CDC42SE2: variants seen among roughly 807,000 people sequenced by gnomAD.
CDC42SE2 encodes CDC42 small effector 2.
A neutral mutation model predicts 11.5 loss-of-function variants in CDC42SE2; 3 were observed. The observed-to-expected ratio is 0.26, with a 90% CI of 0.12 to 0.67. The LOEUF is 0.67. Ranked by LOEUF, CDC42SE2 falls within the 30% of genes least tolerant of loss-of-function variation. CDC42SE2 has a pLI of 0.80. For missense variants in CDC42SE2, 82 were observed against 106.8 expected, an observed-to-expected ratio of 0.77 and a Z score of 1.02; for synonymous variants, 33 against 34.8, an observed-to-expected ratio of 0.95 and a Z score of 0.18.
At chr5:131,225,671 C>T in the CDC42SE2 span, among the ~76,000 whole-genome samples, 1 of 152,148 alleles carries the variant, frequency 6.6e-6, no homozygotes, top group African/African-American at 2.4e-5. Flanking sequence ...GTCAGTCTCC[C>T]CTTGCATGAA....
In CDC42SE2 at chr5:131,267,656, A is replaced by G. The variant is rs145061053; in HGVS notation, c.-455+3490A>G. 4.1e-3 allele frequency among the ~76,000 whole-genome samples: 631 copies of G among 152,234 alleles called. 4 individuals are homozygous for G. The highest frequency in any genetic ancestry group is 0.013 in the African/African-American group (546 of 41,526). On this transcript the variant is annotated intron_variant, in intron 1 of 4. Coordinates refer to ENST00000505065, the MANE Select transcript of CDC42SE2 (RefSeq NM_001375635.1). ...CATGGCATATTGCAGCTGTGCTCAT[A>G]TTTGCCTGTGTAGATCATGAGAGTT...
chr5:131,332,356 C>G (rs552795560), intron 2 of CDC42SE2, among the ~76,000 whole-genome samples: 1 of 152,324 alleles, frequency 6.6e-6, no homozygotes, highest in South Asian at 2.1e-4. Context: ...TTTTCTTAAT[C>G]CAGTCTATCA....
chr5:131,269,561 G>T (rs1400154385), intron 1 of CDC42SE2, among the ~76,000 whole-genome samples: 3 of 151,980 alleles, frequency 2.0e-5, no homozygotes, highest in Non-Finnish European at 4.4e-5. Flanking sequence ...CTAAGGTCAG[G>T]AGTTCGAGAC....
At chr5:131,329,335 C>A (rs926235829) in intron 2 of CDC42SE2, among the ~76,000 whole-genome samples, 1 of 152,028 alleles carries the variant, frequency 6.6e-6, no homozygotes, top group Non-Finnish European at 1.5e-5. Context: ...AGTTTTTGTT[C>A]CCTTTTGTTG....
At chr5:131,368,262 A>C (rs1749919402) in intron 3 of CDC42SE2, among the ~76,000 whole-genome samples, 1 of 151,756 alleles carries the variant, frequency 6.6e-6, no homozygotes, top group African/African-American at 2.4e-5. Flanking sequence ...CAAAAAAAAA[A>C]AAAAAAAAAA....
rs1292945627 is a variant in CDC42SE2, at chr5:131,311,544, A to G, written c.-454-4432A>G. Among the ~76,000 whole-genome samples the G allele has an allele frequency of 2.0e-5, 3 of 152,032 alleles. No homozygotes were observed. The East Asian group carries it at 5.8e-4, about 29-fold the overall frequency. On this transcript the variant is annotated intron_variant, in intron 1 of 4. Transcript: ENST00000505065. ...ATAATATCCTGCAGAGTGTTTTCCA[A>G]CTTGGTTCCATTCTCCCCATCACTT...
intron 1 of CDC42SE2, among the ~76,000 whole-genome samples, chr5:131,251,596 A>G (rs1179629161): frequency 6.6e-6 from 1 of 152,244 alleles, no homozygotes; most frequent in African/African-American, 2.4e-5. Context: ...ATTGTCTGGA[A>G]AACAGTACAT....
intron 2 of CDC42SE2, among the ~76,000 whole-genome samples, chr5:131,324,191 A>C (rs1423042504): frequency 6.6e-6 from 1 of 152,200 alleles, no homozygotes; most frequent in African/African-American, 2.4e-5. Flanking sequence ...CACTGTATGA[A>C]TATCCAGCTG....
chr5:131,328,010 G>A (rs1186906278), intron 2 of CDC42SE2, among the ~76,000 whole-genome samples: 1 of 152,188 alleles, frequency 6.6e-6, no homozygotes, highest in Non-Finnish European at 1.5e-5. Flanking sequence ...TGCTGTGGCA[G>A]AAGGCAGAAG....
Position 131,340,999 on chromosome 5 carries a change from G to C in CDC42SE2, c.-285-18210G>C, listed in dbSNP as rs150810534. On this transcript the variant is annotated intron_variant, in intron 2 of 4. Coordinates refer to ENST00000505065, the MANE Select transcript of CDC42SE2 (RefSeq NM_001375635.1). ...GCCTGAGTATGTACTTTCTGAAGAA[G>C]GAAGTTGAACTTCAAAGGAAGGATT... is the stretch of plus-strand genomic sequence containing the variant. Among the ~76,000 whole-genome samples, 141 of 152,222 alleles carry C rather than the reference G, an allele frequency of 9.3e-4. 1 individual carries two copies. The highest frequency in any genetic ancestry group is 3.3e-3 in the African/African-American group (139 of 41,554).
At chr5:131,382,259 T>C (rs150965202) in intron 3 of CDC42SE2, among the ~76,000 whole-genome samples, 14 of 152,370 alleles carry the variant, frequency 9.2e-5, no homozygotes, top group African/African-American at 2.6e-4. Flanking sequence ...TTGAATATTC[T>C]CAGTAATCAT....
chr5:131,365,034 A>C (rs1163703563), intron 3 of CDC42SE2, among the ~76,000 whole-genome samples: 1 of 152,234 alleles, frequency 6.6e-6, no homozygotes, highest in Non-Finnish European at 1.5e-5. Context: ...TTATGCCTGT[A>C]ATCCCAGCAC....
intron 3 of CDC42SE2, among the ~76,000 whole-genome samples, chr5:131,374,232 A>G (rs1750086833): frequency 6.6e-6 from 1 of 152,222 alleles, no homozygotes; most frequent in Non-Finnish European, 1.5e-5. Flanking sequence ...AATCGGTTAT[A>G]CCACGAGATA....
At chr5:131,215,830 A>G in the CDC42SE2 span, among the ~76,000 whole-genome samples, 1 of 152,212 alleles carries the variant, frequency 6.6e-6, no homozygotes, top group Non-Finnish European at 1.5e-5. Flanking sequence ...AGAATTAACT[A>G]CTTAAGTAAT....
intron 2 of CDC42SE2, among the ~76,000 whole-genome samples, chr5:131,348,400 A>T (rs2149760045): frequency 6.6e-6 from 1 of 152,316 alleles, no homozygotes; most frequent in South Asian, 2.1e-4. Flanking sequence ...ACTTGGTACA[A>T]AGAGAATAAA....
chr5:131,255,927 G>A (rs1756676035), intron 2 of CDC42SE2, among the ~76,000 whole-genome samples: 2 of 152,164 alleles, frequency 1.3e-5, no homozygotes, highest in African/African-American at 4.8e-5. Flanking sequence ...TATATTTTAT[G>A]ATGAGTAGAC....
At chr5:131,251,584 A>C (rs1175759570) in intron 1 of CDC42SE2, among the ~76,000 whole-genome samples, 1 of 152,240 alleles carries the variant, frequency 6.6e-6, no homozygotes, top group Non-Finnish European at 1.5e-5. Context: ...AAAAGAAAAA[A>C]AATTGTCTGG....
rs181956179 is a variant in CDC42SE2 at position 131,327,864 on chromosome 5, C to T, written c.-286+11720C>T. 4.1e-3 allele frequency among the ~76,000 whole-genome samples: 630 copies of T among 152,198 alleles called. 2 individuals carry two copies. Among genetic ancestry groups the T allele is most frequent in the South Asian group, 5.0e-3 (24 of 4,820 alleles). On this transcript the variant is annotated intron_variant, in intron 2 of 4. Coordinates refer to ENST00000505065, the MANE Select transcript of CDC42SE2 (RefSeq NM_001375635.1). The stretch of plus-strand genomic sequence containing the variant: ...AAACACCATATTATCTTTATATACT[C>T]TGAAAAATCATTGTTTTGGTCTGTT...
At chr5:131,314,843 A>G (rs1304250697) in intron 1 of CDC42SE2, among the ~76,000 whole-genome samples, 1 of 152,220 alleles carries the variant, frequency 6.6e-6, no homozygotes, top group African/African-American at 2.4e-5. Flanking sequence ...ATGAAGTACC[A>G]GTATTCTTCA....
Sources: gnomAD v4.1 joint callset for allele counts (sites outside exome capture counted in the v4.1 genomes callset) on GRCh38, gnomAD v4.1.1 for gene constraint, MANE v1.5 for transcripts, NCBI Gene and HGNC (gene_info 2026-07-23, HGNC 2026-07-21) for gene names.